Variants in BMP2K observed in about 807,000 individuals in gnomAD.
BMP2K encodes the protein BMP2 inducible kinase.
A neutral mutation model predicts 116.0 loss-of-function variants in BMP2K; 74 were observed. The observed-to-expected ratio is 0.64, with a 90% CI of 0.53 to 0.77. BMP2K has a LOEUF of 0.77. Among genes scored for constraint, BMP2K ranks in the 30% least tolerant of loss-of-function variants. BMP2K has a pLI of 0.00. For missense variants in BMP2K, 1,365 were observed against 1,403.6 expected, an observed-to-expected ratio of 0.97 and a Z score of 0.44; for synonymous variants, 486 against 502.5, an observed-to-expected ratio of 0.97 and a Z score of 0.44.
At chr4:78,809,691 T>G (rs961770078) in intron 1 of BMP2K, among the ~76,000 whole-genome samples, 1 of 151,916 alleles carries the variant, frequency 6.6e-6, no homozygotes, top group Admixed American at 6.6e-5. Context: ...AAAGTGTTTT[T>G]TTTTTTTTTT....
At chr4:78,867,570 A>C (rs1440278174) in intron 10 of BMP2K, among the ~76,000 whole-genome samples, 1 of 152,182 alleles carries the variant, frequency 6.6e-6, no homozygotes, top group Non-Finnish European at 1.5e-5. Context: ...CACCCTTTAA[A>C]AATAATACAA....
Position 78,911,213 on chromosome 4 carries a change from G to T in BMP2K, c.2666G>T (p.Gly889Val), listed in dbSNP as rs759635246. The change falls in exon 16 of 16, where the codon GGA (glycine) becomes GTA (valine). Residue 889 changes from glycine to valine, a missense_variant. Gly to Val is a moderately radical substitution (Grantham distance 109). Transcript: ENST00000502613. ...CCTCAACACAGGTTTCCTGCTGCAG[G>T]ACTGGAGCAGGAGGAATTTGATGTA... ...NLPQHRFPAA[G>V]LEQEEFDVFT... 7.4e-6 allele frequency: 12 copies of T among 1,613,776 alleles called. No individual in the cohort carries two copies. Among genetic ancestry groups the T allele is most frequent in the Middle Eastern group, 1.6e-4 (1 of 6,082 alleles).
At chr4:78,793,532 T>C (rs192587282) in intron 1 of BMP2K, among the ~76,000 whole-genome samples, 63 of 152,266 alleles carry the variant, frequency 4.1e-4, no homozygotes, top group African/African-American at 1.5e-3. Flanking sequence ...ATAACCCATG[T>C]AAGCAGAAGC....
intron 12 of BMP2K, chr4:78,872,303 CT>C (rs34599936): frequency 2.2e-4 from 20 of 92,320 alleles, no homozygotes; most frequent in East Asian, 1.1e-3. Context: ...ATAATTTGAC[CT>C]TTTTTTTTTT....
Position 78,911,635 on chromosome 4 carries a change from C to G in BMP2K, c.3088C>G (p.Gln1030Glu). ...CAAAAAAGTGGGCCGCCGAGACTCT[C>G]AAAGTAGCAATGAATTTTTAACCAT... Reference protein sequence around the residue: ...RHKKVGRRDSQSSNEFLTISD... With the variant: ...RHKKVGRRDSESSNEFLTISD... The change falls in exon 16 of 16, where the codon CAA (glutamine) becomes GAA (glutamate). Residue 1030 changes from glutamine (Q) to glutamate (E), a missense_variant. Around this residue, in one of 3 missense-constraint regions of BMP2K, gnomAD observed 596 missense variants for 623.2 expected, o/e 0.96. Transcript: ENST00000502613. 6.2e-7 allele frequency: 1 copy of G among 1,613,974 alleles called. No individual in the cohort carries two copies. Among genetic ancestry groups the G allele is most frequent in the East Asian group, 2.2e-5 (1 of 44,866 alleles).
chr4:78,801,217 A>G (rs2109955179), intron 1 of BMP2K, among the ~76,000 whole-genome samples: 2 of 152,162 alleles, frequency 1.3e-5, no homozygotes, highest in Middle Eastern at 3.4e-3. Flanking sequence ...TACAAACCTG[A>G]ATTTCTCACC....
At chr4:78,851,478 T>C (rs897004458) in intron 7 of BMP2K, among the ~76,000 whole-genome samples, 1 of 152,130 alleles carries the variant, frequency 6.6e-6, no homozygotes, top group Admixed American at 6.6e-5. Context: ...GACCATCAGC[T>C]ATTAAAATAA....
In BMP2K at chr4:78,821,908, A is replaced by G. The variant is rs543642352; in HGVS notation, c.179-4129A>G. Among the ~76,000 whole-genome samples the G allele has an allele frequency of 7.9e-5, 12 of 152,356 alleles. No individual in the cohort carries two copies. In the Middle Eastern group the frequency reaches 0.01, roughly 130 times the overall value. On this transcript the variant is annotated intron_variant, in intron 1 of 15. Transcript: ENST00000502613. ...TATGTAAAGCACCAATACATTAAAAATGATTTAATTAAAGCATGGAAATGA... is the reference window on the plus strand; with the variant it reads ...TATGTAAAGCACCAATACATTAAAAGTGATTTAATTAAAGCATGGAAATGA...
At chr4:78,826,856 C>T (rs1729897992) in intron 2 of BMP2K, among the ~76,000 whole-genome samples, 1 of 151,994 alleles carries the variant, frequency 6.6e-6, no homozygotes, top group Non-Finnish European at 1.5e-5. Context: ...AAACACCAAG[C>T]TTGTTCATCA....
At chr4:78,804,184 A>G (rs746577555) in intron 1 of BMP2K, among the ~76,000 whole-genome samples, 15 of 152,032 alleles carry the variant, frequency 9.9e-5, no homozygotes, top group Non-Finnish European at 1.5e-4. Context: ...GGATTTGTCT[A>G]TTCTGGGCAT....
chr4:78,871,332 A>G (rs1476671785), intron 11 of BMP2K, among the ~76,000 whole-genome samples: 1 of 152,262 alleles, frequency 6.6e-6, no homozygotes, highest in Non-Finnish European at 1.5e-5. Flanking sequence ...GCAGTTTATA[A>G]TGAATATTAT....
intron 10 of BMP2K, among the ~76,000 whole-genome samples, chr4:78,866,790 A>G (rs974320902): frequency 2.0e-5 from 3 of 152,118 alleles, no homozygotes; most frequent in African/African-American, 7.2e-5. Context: ...AGCTGGGATT[A>G]CAGGGGCCTG....
chr4:78,785,101 T>TTTTTA (rs1231062253), intron 1 of BMP2K, among the ~76,000 whole-genome samples: 35 of 152,252 alleles, frequency 2.3e-4, no homozygotes, highest in African/African-American at 6.0e-4. Context: ...TATGAAATTA[T>TTTTTA]TTTTATTTTA....
chr4:78,787,007 G>A (rs1727762649), intron 1 of BMP2K, among the ~76,000 whole-genome samples: 1 of 152,082 alleles, frequency 6.6e-6, no homozygotes, highest in Non-Finnish European at 1.5e-5. Flanking sequence ...TCCTGCTTTG[G>A]CCTCCCAAAG....
At chr4:78,885,417 C>T (rs1174779866) in intron 14 of BMP2K, among the ~76,000 whole-genome samples, 2 of 152,166 alleles carry the variant, frequency 1.3e-5, no homozygotes, top group African/African-American at 2.4e-5. Flanking sequence ...ATGTCAGGAT[C>T]CTCCCCAAAC....
rs138600317 is a variant in BMP2K at position 78,892,551 on chromosome 4, C to A, written c.2062+5267C>A. Among the ~76,000 whole-genome samples the A allele has an allele frequency of 3.2e-4, 48 of 152,186 alleles. 3 individuals are homozygous for A. In the East Asian group the frequency reaches 9.1e-3, roughly 29 times the overall value. ...TCTGCTCTTTATTTATTGACATATG[C>A]TAAAATTTTTATGTTTTCTTCTACC... On this transcript the variant is annotated intron_variant, in intron 15 of 15. Transcript: ENST00000502613.
intron 1 of BMP2K, among the ~76,000 whole-genome samples, chr4:78,779,183 T>G (rs1177738695): frequency 6.6e-6 from 1 of 152,186 alleles, no homozygotes; most frequent in East Asian, 1.9e-4. Context: ...GGTGTTAGAT[T>G]CCTGAAAGCT....
chr4:78,830,771 A>G (rs1218115682), intron 2 of BMP2K, among the ~76,000 whole-genome samples: 2 of 152,180 alleles, frequency 1.3e-5, no homozygotes, highest in Non-Finnish European at 2.9e-5. Flanking sequence ...TCACTTCTTC[A>G]GCCTTCATAG....
intron 1 of BMP2K, among the ~76,000 whole-genome samples, chr4:78,781,231 G>C (rs531622251): frequency 1.3e-5 from 2 of 152,272 alleles, no homozygotes; most frequent in African/African-American, 4.8e-5. Flanking sequence ...GCTCTGATTT[G>C]TATTTTTACA....
Sources: gnomAD v4.1 joint callset for allele counts (sites outside exome capture counted in the v4.1 genomes callset) on GRCh38, gnomAD v4.1.1 for gene constraint, gnomAD v4.1.1 regional missense constraint, MANE v1.5 for transcripts, NCBI Gene and HGNC (gene_info 2026-07-23, HGNC 2026-07-21) for gene names.